NEGR1: variants seen among roughly 807,000 people sequenced by gnomAD.
The protein encoded by NEGR1 is neuronal growth regulator 1.
Under a neutral mutation model 40.9 loss-of-function variants are expected in NEGR1, and 10 were observed. The ratio of observed to expected loss-of-function variants is 0.24; its 90% CI spans 0.15 to 0.42. The LOEUF (loss-of-function observed/expected upper bound fraction) is 0.42. Among genes scored for constraint, NEGR1 ranks in the 10% least tolerant of loss-of-function variants. The probability of loss-of-function intolerance (pLI) is 1.00; values close to 1 mark genes in which losing one functional copy is unlikely to be tolerated. For missense variants in NEGR1, 352 were observed against 438.9 expected, an observed-to-expected ratio of 0.80 and a Z score of 1.77; for synonymous variants, 185 against 166.8, an observed-to-expected ratio of 1.11 and a Z score of -0.84.
At chr1:71,512,860 G>A (rs778525071) in intron 6 of NEGR1, among the ~76,000 whole-genome samples, 8 of 152,110 alleles carry the variant, frequency 5.3e-5, no homozygotes, top group South Asian at 2.1e-4. Context: ...GATTACAGGC[G>A]TGAGCCACCA....
At chr1:71,838,036 C>T (rs1387504161) in intron 2 of NEGR1, among the ~76,000 whole-genome samples, 1 of 152,004 alleles carries the variant, frequency 6.6e-6, no homozygotes, top group Non-Finnish European at 1.5e-5. Flanking sequence ...CCCATTTGTT[C>T]ACATTGTTTG....
chr1:71,980,093 A>C (rs1354733181), intron 1 of NEGR1, among the ~76,000 whole-genome samples: 2 of 152,208 alleles, frequency 1.3e-5, no homozygotes, highest in Admixed American at 1.3e-4. Flanking sequence ...CCCAAATAAC[A>C]GAACGTGCAT....
intron 5 of NEGR1, among the ~76,000 whole-genome samples, chr1:71,594,069 C>T (rs762796331): frequency 2.6e-5 from 4 of 152,096 alleles, no homozygotes; most frequent in Non-Finnish European, 4.4e-5. Context: ...ATAAATAGTA[C>T]AAAGGTCAAT....
intron 2 of NEGR1, among the ~76,000 whole-genome samples, chr1:71,790,712 A>T (rs754388826): frequency 2.0e-5 from 3 of 152,136 alleles, no homozygotes; most frequent in Non-Finnish European, 4.4e-5. Flanking sequence ...GTTTCCAGAG[A>T]CTATGGAAGA....
At chr1:71,506,014 G>A (rs1569960864) in intron 6 of NEGR1, among the ~76,000 whole-genome samples, 2 of 152,276 alleles carry the variant, frequency 1.3e-5, no homozygotes, top group Non-Finnish European at 1.5e-5. Context: ...GATTAGTGAA[G>A]GGAAGCAGAG....
chr1:71,537,346 TC>T (rs1647543772), intron 6 of NEGR1, among the ~76,000 whole-genome samples: 1 of 151,676 alleles, frequency 6.6e-6, no homozygotes, highest in Non-Finnish European at 1.5e-5. Flanking sequence ...CTATTAACAT[TC>T]ATTATATCTA....
intron 3 of NEGR1, among the ~76,000 whole-genome samples, chr1:71,739,334 C>A (rs1655140222): frequency 6.6e-6 from 1 of 151,894 alleles, no homozygotes; most frequent in African/African-American, 2.4e-5. Flanking sequence ...AGCTTTGGGA[C>A]TCAGACTGGC....
chr1:72,144,924 A>G (rs1650850539), intron 1 of NEGR1, among the ~76,000 whole-genome samples: 1 of 152,064 alleles, frequency 6.6e-6, no homozygotes, highest in African/African-American at 2.4e-5. Flanking sequence ...CCAAATATAG[A>G]TATGCAACTC....
intron 1 of NEGR1, among the ~76,000 whole-genome samples, chr1:72,251,625 A>G (rs1050069512): frequency 4.6e-5 from 7 of 152,188 alleles, no homozygotes; most frequent in Non-Finnish European, 8.8e-5. Context: ...ATGCTATGTC[A>G]ATCATTGTTA....
At chr1:72,197,146 T>C (rs1480551147) in intron 1 of NEGR1, among the ~76,000 whole-genome samples, 7 of 152,024 alleles carry the variant, frequency 4.6e-5, no homozygotes, top group African/African-American at 1.4e-4. Context: ...TAGAAGTCAA[T>C]GTTTTATTGT....
At chr1:72,140,453 G>A (rs1650630352) in intron 1 of NEGR1, among the ~76,000 whole-genome samples, 1 of 151,858 alleles carries the variant, frequency 6.6e-6, no homozygotes, top group African/African-American at 2.4e-5. Context: ...GGCAAGAAAG[G>A]GCAAGAAAGA....
intron 1 of NEGR1, among the ~76,000 whole-genome samples, chr1:71,988,426 C>T (rs12086944): frequency 6.6e-6 from 1 of 151,294 alleles, no homozygotes; most frequent in African/African-American, 2.4e-5. Context: ...GTAGTCCCAG[C>T]TACTTGGGAG....
intron 1 of NEGR1, among the ~76,000 whole-genome samples, chr1:72,093,706 C>T (rs1401201211): frequency 6.6e-6 from 1 of 152,072 alleles, no homozygotes; most frequent in African/African-American, 2.4e-5. Flanking sequence ...TTAGGCCTTA[C>T]TTATAAGCCA....
At chr1:71,731,376 C>T (rs1654861857) in intron 3 of NEGR1, among the ~76,000 whole-genome samples, 1 of 152,180 alleles carries the variant, frequency 6.6e-6, no homozygotes, top group Admixed American at 6.5e-5. Flanking sequence ...TGGAACTCAG[C>T]ATTTGTGATT....
At chr1:71,906,474 G>T (rs891861027) in intron 2 of NEGR1, among the ~76,000 whole-genome samples, 1 of 146,608 alleles carries the variant, frequency 6.8e-6, no homozygotes, top group African/African-American at 2.6e-5. Flanking sequence ...CCTGGCCAAG[G>T]ATTAAAAAAA....
intron 6 of NEGR1, among the ~76,000 whole-genome samples, chr1:71,536,687 T>C (rs891430136): frequency 1.3e-5 from 2 of 151,778 alleles, no homozygotes; most frequent in Non-Finnish European, 2.9e-5. Context: ...ACAGTTCTGA[T>C]TCATGTAAAA....
intron 1 of NEGR1, among the ~76,000 whole-genome samples, chr1:71,968,924 C>T (rs1164091832): frequency 6.6e-6 from 1 of 152,100 alleles, no homozygotes; most frequent in African/African-American, 2.4e-5. Flanking sequence ...GGGAATGTGG[C>T]TTCCTGGTAA....
At position 72,273,136 on chromosome 1, in the gene NEGR1, T is replaced by C. The variant is rs1183172748; in HGVS notation, c.176+9183A>G. Among the ~76,000 whole-genome samples the C allele has an allele frequency of 3.9e-5, 6 of 151,956 alleles. No individual in the cohort carries two copies. In the South Asian group the frequency reaches 6.2e-4, roughly 16 times the overall value. On this transcript the variant is annotated intron_variant, in intron 1 of 6. Transcript: ENST00000357731. ...ACCACATTAAAATTCTATCAGCTAG[T>C]ATCAATACACTGTGGTTTATAAAGT...
intron 2 of NEGR1, among the ~76,000 whole-genome samples, chr1:71,800,111 T>G (rs1657500714): frequency 6.6e-6 from 1 of 152,182 alleles, no homozygotes; most frequent in Non-Finnish European, 1.5e-5. Context: ...ATGATGAGCT[T>G]TTTTCATATG....
Sources: allele counts gnomAD v4.1 joint callset (sites outside exome capture counted in the v4.1 genomes callset), GRCh38; gene constraint gnomAD v4.1.1; transcripts MANE v1.5; gene names NCBI Gene and HGNC (gene_info 2026-07-23, HGNC 2026-07-21).